Variants in UNC13A observed in about 807,000 individuals in gnomAD.
UNC13A encodes unc-13 homolog A.
Under a neutral mutation model 219.7 loss-of-function variants are expected in UNC13A, and 61 were observed. The observed-to-expected ratio is 0.28, with a 90% confidence interval of 0.23 to 0.34. The LOEUF is 0.34. Ranked by LOEUF, UNC13A falls within the 10% of genes least tolerant of loss-of-function variation. The pLI is 1.00. For synonymous variants in UNC13A, 920 were observed against 884.6 expected, an observed-to-expected ratio of 1.04 and a Z score of -0.71; for missense variants, 1,476 against 2,270.3, an observed-to-expected ratio of 0.65 and a Z score of 7.11.
At chr19:17,660,144 C>T (rs756765610) in intron 8 of UNC13A, among the ~76,000 whole-genome samples, 3 of 152,152 alleles carry the variant, frequency 2.0e-5, no homozygotes, top group African/African-American at 4.8e-5. Context: ...TCAAGCGATC[C>T]TCCCGCCTCA....
chr19:17,677,991 C>T (rs1031628625), intron 1 of UNC13A, among the ~76,000 whole-genome samples: 1 of 152,048 alleles, frequency 6.6e-6, no homozygotes, highest in African/African-American at 2.4e-5. Context: ...CGTGTACTAG[C>T]GAGTTGAAGG....
intron 26 of UNC13A, among the ~76,000 whole-genome samples, chr19:17,635,600 C>T (rs1168023904): frequency 6.6e-6 from 1 of 152,092 alleles, no homozygotes; most frequent in African/African-American, 2.4e-5. Flanking sequence ...AAATTAAACC[C>T]AAAACCCACT....
At chr19:17,663,468 G>T in intron 8 of UNC13A, 64 bp downstream of exon 8, 1 of 1,578,230 alleles carries the variant, frequency 6.3e-7, no homozygotes, top group South Asian at 1.1e-5. Flanking sequence ...GAGGGGCCTT[G>T]GGATCACCAA....
intron 21 of UNC13A, 34 bp from the exon 22 acceptor site, chr19:17,640,695 G>A (rs566922115): frequency 6.5e-7 from 1 of 1,539,070 alleles, no homozygotes; most frequent in East Asian, 2.4e-5. Flanking sequence ...CTAGGCCAGG[G>A]GTCCAGCCAG....
At chr19:17,639,624 T>C in intron 23 of UNC13A, 99 bp from the exon 24 acceptor site, 1 of 1,374,428 alleles carries the variant, frequency 7.3e-7, no homozygotes. Flanking sequence ...GGTTTCAGGC[T>C]GGGGGTTGAT....
Position 17,605,564 on chromosome 19 carries a change from G to C in UNC13A, c.*490C>G. On this transcript the variant is annotated 3_prime_UTR_variant, in exon 44 of 44. Coordinates refer to ENST00000519716, the MANE Select transcript of UNC13A (RefSeq NM_001080421.3). ...GCATCCTGGTCCCTCCAGTCCCCAG[G>C]CCACCTAGAGGGGCGCTCCAGAGAG... is the stretch of plus-strand genomic sequence containing the variant. 1 of 155,184 alleles carries C rather than the reference G, an allele frequency of 6.4e-6. No individual in the cohort carries two copies. Among genetic ancestry groups the C allele is most frequent in the Non-Finnish European group, 1.4e-5 (1 of 69,834 alleles). 9.6% of individuals were successfully genotyped at this position (155,184 alleles called of 1,614,324 possible).
intron 7 of UNC13A, among the ~76,000 whole-genome samples, chr19:17,666,199 T>TCTCTTTCTTTCTTTC: frequency 6.9e-6 from 1 of 144,176 alleles, no homozygotes; most frequent in African/African-American, 2.6e-5. Context: ...CTTTCTCTCT[T>TCTCTTTCTTTCTTTC]TCTTTCTCTT....
chr19:17,683,080 T>C (rs1264176562), intron 1 of UNC13A, among the ~76,000 whole-genome samples: 2 of 151,742 alleles, frequency 1.3e-5, no homozygotes, highest in Non-Finnish European at 2.9e-5. Context: ...AATAAATAAA[T>C]AGAAAGAAGA....
In UNC13A at chr19:17,632,854, T is replaced by C. The variant is rs1165924085; in HGVS notation, c.3356A>G (p.Lys1119Arg). The C allele has an allele frequency of 2.5e-6, 4 of 1,614,014 alleles. No individual in the cohort carries two copies. The highest frequency in any genetic ancestry group is 1.3e-5 in the African/African-American group (1 of 75,054). Residue 1119 changes from lysine (K) to arginine (R), a missense_variant, in exon 28 of 44, where the codon AAG (lysine) becomes AGG (arginine). By Grantham distance (26) the Lys-to-Arg change is conservative (BLOSUM62 2). Around this residue, in one of 14 missense-constraint regions of UNC13A, gnomAD observed 218 missense variants for 409.4 expected, o/e 0.53. Transcript: ENST00000519716. ...ATACTCATTGTAGAGCCATTTCACC[T>C]TGAAGTGGAGGTTCATGTAGTCGGC... is the stretch of plus-strand genomic sequence containing the variant. ...KSADYMNLHF[K>R]VKWLYNEYVT...
At chr19:17,625,479 C>T (rs2076772784) in intron 34 of UNC13A, among the ~76,000 whole-genome samples, 1 of 152,058 alleles carries the variant, frequency 6.6e-6, no homozygotes, top group East Asian at 1.9e-4. Context: ...CAGTCACCCA[C>T]CAATCCATCC....
In UNC13A at chr19:17,624,844, G is replaced by C; in HGVS notation, c.4182C>G (p.Pro1394=). ...CAGGTCTCACCGTCTGGTCAGTGAG[G>C]GGCGGCAGGACGATGGTTTTCTCCA... ...NTMEKTIVLP[P]LTDQTMIGNL... The change falls in exon 35 of 44, where the codon CCC becomes CCG. Residue 1394 remains proline (P), a synonymous_variant. Coordinates refer to ENST00000519716, the MANE Select transcript of UNC13A (RefSeq NM_001080421.3). The C allele has an allele frequency of 6.2e-7, 1 of 1,613,672 alleles. No homozygotes were observed. The highest frequency in any genetic ancestry group is 1.1e-5 in the South Asian group (1 of 91,054).
At chr19:17,608,325 T>A (rs1189751842) in intron 43 of UNC13A, among the ~76,000 whole-genome samples, 1 of 136,430 alleles carries the variant, frequency 7.3e-6, no homozygotes, top group Non-Finnish European at 1.5e-5. Context: ...TTATACTATA[T>A]AATATATACT....
rs752113718 is a variant in UNC13A at position 17,658,197 on chromosome 19, G to A, written c.632C>T (p.Pro211Leu). ...YRSETSNSIP[P>L]PYYTTSQPNA... Reference sequence around the variant, plus strand: ...GGGTTGTGACGTAGTATAATAGGGCGGCGGGATGCTGTTGCTCGTTTCACT... The same window carrying A: ...GGGTTGTGACGTAGTATAATAGGGCAGCGGGATGCTGTTGCTCGTTTCACT... The change falls in exon 9 of 44, where the codon CCG becomes CTG. Residue 211 changes from proline to leucine, a missense_variant. Pro to Leu is a moderately conservative substitution (Grantham distance 98). This residue lies in a region of UNC13A where 203 missense variants were observed against 301.6 expected (regional missense o/e 0.67). Transcript: ENST00000519716. 3.5e-5 allele frequency: 56 copies of A among 1,613,826 alleles called. No individual in the cohort carries two copies. Among genetic ancestry groups the A allele is most frequent in the East Asian group, 6.7e-5 (3 of 44,890 alleles).
chr19:17,632,080 T>C (rs1241685043), intron 28 of UNC13A, among the ~76,000 whole-genome samples: 1 of 152,088 alleles, frequency 6.6e-6, no homozygotes, highest in Non-Finnish European at 1.5e-5. Flanking sequence ...CTGGCTAATT[T>C]TTGTATTTTT....
chr19:17,619,845 A>G (rs1274209531), intron 38 of UNC13A, among the ~76,000 whole-genome samples: 1 of 152,180 alleles, frequency 6.6e-6, no homozygotes, highest in Non-Finnish European at 1.5e-5. Context: ...TGGCTCTGAC[A>G]AGCCAGATGG....
Position 17,646,071 on chromosome 19 carries a change from T to A in UNC13A, c.2085A>T (p.Gly695=). The A allele has an allele frequency of 6.2e-7, 1 of 1,613,992 alleles. No individual in the cohort carries two copies. Among genetic ancestry groups the A allele is most frequent in the South Asian group, 1.1e-5 (1 of 91,076 alleles). ...GGACGGTGACATAGGGGTCACTGGATCCTGTCTTGTCCTTTGCCTGCAAGC... is the reference window on the plus strand; with the variant it reads ...GGACGGTGACATAGGGGTCACTGGAACCTGTCTTGTCCTTTGCCTGCAAGC... ...AQGLQAKDKT[G]SSDPYVTVQV... The change falls in exon 18 of 44, where the codon GGA becomes GGT. Residue 695 remains glycine (G), a synonymous_variant. Coordinates refer to ENST00000519716, the MANE Select transcript of UNC13A (RefSeq NM_001080421.3).
At chr19:17,657,514 T>G (rs1032734067) in intron 9 of UNC13A, among the ~76,000 whole-genome samples, 1 of 152,124 alleles carries the variant, frequency 6.6e-6, no homozygotes, top group African/African-American at 2.4e-5. Flanking sequence ...CAGGGGGACA[T>G]AGGGGCCACC....
chr19:17,606,001 C>A lies in UNC13A; in HGVS notation c.*53G>T. On this transcript the variant is annotated 3_prime_UTR_variant, in exon 44 of 44. Coordinates refer to ENST00000519716, the MANE Select transcript of UNC13A (RefSeq NM_001080421.3). ...CCACCAAGGCGCAAGCCCCGTCCCT[C>A]CCCGCCCAGCGCCCTCCGCGCAGGC... 2 of 1,382,254 alleles carry A rather than the reference C, an allele frequency of 1.4e-6. No homozygotes were observed. Among genetic ancestry groups the A allele is most frequent in the East Asian group, 3.0e-5 (1 of 32,820 alleles). The allele number at this position is 1,382,254 out of a possible 1,614,324, so 85.6% of individuals were successfully genotyped here. A position where few individuals can be genotyped will look rare whatever the true frequency, so the allele number is the denominator to read the frequency against.
chr19:17,656,563 C>T (rs12972449), intron 9 of UNC13A, among the ~76,000 whole-genome samples, 165 bp from the exon 10 acceptor site: 18,763 of 152,114 alleles, frequency 0.12, 1,337 homozygotes, highest in Non-Finnish European at 0.17. Context: ...CAAAAATCCC[C>T]GCTTTTGGCC....
Sources: gnomAD v4.1 joint callset for allele counts (sites outside exome capture counted in the v4.1 genomes callset) on GRCh38, gnomAD v4.1.1 for gene constraint, gnomAD v4.1.1 regional missense constraint, MANE v1.5 for transcripts, NCBI Gene and HGNC (gene_info 2026-07-23, HGNC 2026-07-21) for gene names.